NCOA1: variants seen among roughly 807,000 people sequenced by gnomAD.
The protein encoded by NCOA1 is Hin-2 protein.
In NCOA1, 35 loss-of-function variants were observed where a neutral mutation model predicts 150.9. The observed-to-expected ratio is 0.23, with a 90% CI of 0.18 to 0.31. NCOA1 has a LOEUF of 0.31. NCOA1 is among the 10% of genes least tolerant of loss of function. The pLI is 1.00. For missense variants in NCOA1, 1,491 were observed against 1,749.3 expected, an observed-to-expected ratio of 0.85 and a Z score of 2.63; for synonymous variants, 590 against 630.0, an observed-to-expected ratio of 0.94 and a Z score of 0.95.
intron 3 of NCOA1, among the ~76,000 whole-genome samples, chr2:24,614,231 T>TTTTTTTTTTTTTTTTG (rs1668771754): frequency 8.1e-6 from 1 of 122,786 alleles, no homozygotes. Context: ...TTTTTTTTTT[T>TTTTTTTTTTTTTTTTG]GCTATGGGGT....
intron 15 of NCOA1, 38 bp downstream of exon 15, chr2:24,726,744 A>G (rs775096254): frequency 8.3e-5 from 109 of 1,311,074 alleles, no homozygotes; most frequent in Non-Finnish European, 6.4e-6. Context: ...GGTATCAGAT[A>G]CCAACTTCTA....
intron 1 of NCOA1, among the ~76,000 whole-genome samples, chr2:24,539,637 A>G (rs1390900185): frequency 1.3e-5 from 2 of 152,218 alleles, no homozygotes; most frequent in African/African-American, 4.8e-5. Flanking sequence ...GGCAGACTGA[A>G]CCTTCACTAC....
intron 1 of NCOA1, among the ~76,000 whole-genome samples, chr2:24,562,407 A>C (rs1458890020): frequency 3.3e-5 from 5 of 152,234 alleles, no homozygotes; most frequent in African/African-American, 1.2e-4. Context: ...TGCAGTCTGA[A>C]ACACTTCTGG....
At chr2:24,716,027 C>G (rs964368513) in intron 14 of NCOA1, among the ~76,000 whole-genome samples, 1 of 151,700 alleles carries the variant, frequency 6.6e-6, no homozygotes, top group Non-Finnish European at 1.5e-5. Context: ...GCCTGTAGTC[C>G]TAGCTACTCG....
chr2:24,702,050 G>A (rs1017722918), intron 11 of NCOA1, among the ~76,000 whole-genome samples: 1 of 152,158 alleles, frequency 6.6e-6, no homozygotes. Context: ...AAGCTGGAAA[G>A]GGTTTATGGT....
At chr2:24,654,498 T>G (rs946953571) in intron 4 of NCOA1, among the ~76,000 whole-genome samples, 2 of 152,200 alleles carry the variant, frequency 1.3e-5, no homozygotes, top group Non-Finnish European at 2.9e-5. Context: ...AACATCCAGT[T>G]AACAAGTGGA....
chr2:24,714,440 A>G (rs2148611161), intron 14 of NCOA1, among the ~76,000 whole-genome samples: 1 of 152,302 alleles, frequency 6.6e-6, no homozygotes, highest in Admixed American at 6.5e-5. Context: ...TAGCTATTCT[A>G]AATATGTTGA....
At chr2:24,697,171 G>T (rs1467678530) in intron 10 of NCOA1, among the ~76,000 whole-genome samples, 6 of 152,090 alleles carry the variant, frequency 3.9e-5, no homozygotes, top group Admixed American at 2.6e-4. Context: ...TTCAGTCTTT[G>T]TTTAGTCTTA....
chr2:24,754,498 T>C (rs1664409463), intron 20 of NCOA1, among the ~76,000 whole-genome samples: 1 of 152,202 alleles, frequency 6.6e-6, no homozygotes, highest in African/African-American at 2.4e-5. Context: ...GCTGGAATGT[T>C]CTTCCCTCAG....
In NCOA1 at chr2:24,683,059, A is replaced by T. The variant is rs370707375; in HGVS notation, c.463A>T (p.Ser155Cys). Residue 155 changes from serine to cysteine, a missense_variant, in exon 8 of 23, where the codon AGC becomes TGC. Around this residue, in one of 8 missense-constraint regions of NCOA1, gnomAD observed 80 missense variants for 163.0 expected, o/e 0.49. Transcript: ENST00000348332. ...GYNQEELMNT[S>C]VYSILHVGDH... ...CAATCAGGAGGAATTAATGAATACG[A>T]GCGTCTACAGCATACTGCACGTGGG... is the stretch of plus-strand genomic sequence containing the variant. 3 of 1,610,186 alleles carry T rather than the reference A, an allele frequency of 1.9e-6. No individual in the cohort carries two copies. Among genetic ancestry groups the T allele is most frequent in the Non-Finnish European group, 2.5e-6 (3 of 1,178,804 alleles).
Position 24,707,405 on chromosome 2 carries a change from A to G in NCOA1, c.1935A>G (p.Leu645=), listed in dbSNP as rs751116303. The change falls in exon 13 of 23, where the codon TTA becomes TTG. Residue 645 remains leucine, a synonymous_variant. Coordinates refer to ENST00000348332, the MANE Select transcript of NCOA1 (RefSeq NM_003743.5). ...TGACAACAACTGCCGAACAGCAGTT[A>G]CGGCATGCTGATATAGACACAAGCT... ...QLLTTTAEQQ[L]RHADIDTSCK... 3 of 1,614,128 alleles carry G rather than the reference A, an allele frequency of 1.9e-6. No individual in the cohort carries two copies. Among genetic ancestry groups the G allele is most frequent in the Non-Finnish European group, 1.7e-6 (2 of 1,180,056 alleles).
At position 24,697,802 on chromosome 2, in the gene NCOA1, A is replaced by T. The variant is rs746535918; in HGVS notation, c.949+4A>T. 6.2e-7 allele frequency: 1 copy of T among 1,612,096 alleles called. No homozygotes were observed. Among genetic ancestry groups the T allele is most frequent in the Admixed American group, 1.7e-5 (1 of 59,834 alleles). ...GCCAGACAGCTGTTCCAAGAAGGTA[A>T]AATTTTCTCTCTCAATTATTTTCAT... On this transcript the variant is annotated splice_donor_region_variant and intron_variant, in intron 11 of 22. Coordinates refer to ENST00000348332, the MANE Select transcript of NCOA1 (RefSeq NM_003743.5).
intron 1 of NCOA1, among the ~76,000 whole-genome samples, chr2:24,545,995 G>C (rs1377579404): frequency 6.6e-6 from 1 of 152,040 alleles, no homozygotes; most frequent in Admixed American, 6.6e-5. Flanking sequence ...CACCATGTTG[G>C]CCAGGCTGGT....
At chr2:24,668,046 C>T (rs1293477140) in intron 6 of NCOA1, among the ~76,000 whole-genome samples, 2 of 152,110 alleles carry the variant, frequency 1.3e-5, no homozygotes, top group African/African-American at 4.8e-5. Flanking sequence ...ATCCTCAGTA[C>T]CTAAAACAGC....
At position 24,741,799 on chromosome 2, in the gene NCOA1, C is replaced by A; in HGVS notation, c.3319C>A (p.Gln1107Lys). Residue 1107 changes from glutamine (Q) to lysine (K), a missense_variant, in exon 19 of 23, where the codon CAA (glutamine) becomes AAA (lysine). Gln to Lys is a moderately conservative substitution (Grantham distance 53, BLOSUM62 1). This residue lies in a region of NCOA1 where 485 missense variants were observed against 522.8 expected (regional missense o/e 0.93). Coordinates refer to ENST00000348332, the MANE Select transcript of NCOA1 (RefSeq NM_003743.5). The part of the protein sequence containing the change: ...QITPQPPLNA[Q>K]MLAQRQRELY... Reference sequence around the variant, plus strand: ...TGCTTTTCAGCCACCCCTGAATGCTCAAATGTTGGCACAACGTCAGCGGGA... The same window carrying A: ...TGCTTTTCAGCCACCCCTGAATGCTAAAATGTTGGCACAACGTCAGCGGGA... 1 of 1,612,904 alleles carries A rather than the reference C, an allele frequency of 6.2e-7. No homozygotes were observed. The highest frequency in any genetic ancestry group is 1.1e-5 in the South Asian group (1 of 90,882).
chr2:24,558,137 C>T (rs1666147685), intron 1 of NCOA1, among the ~76,000 whole-genome samples: 1 of 151,792 alleles, frequency 6.6e-6, no homozygotes, highest in African/African-American at 2.4e-5. Context: ...ATACTCCAAA[C>T]TGTATTTTTC....
At chr2:24,587,094 C>T (rs932124731) in intron 3 of NCOA1, among the ~76,000 whole-genome samples, 1 of 147,762 alleles carries the variant, frequency 6.8e-6, no homozygotes, top group Non-Finnish European at 1.5e-5. Context: ...GCAGAGTCAG[C>T]AGAGAAGAAA....
At chr2:24,600,786 TCTTA>T (rs1668077176) in intron 3 of NCOA1, among the ~76,000 whole-genome samples, 1 of 152,244 alleles carries the variant, frequency 6.6e-6, no homozygotes, top group South Asian at 2.1e-4. Flanking sequence ...CCTTATTGCC[TCTTA>T]CTATTATTAC....
At chr2:24,507,435 GTTTTT>G (rs10651704) in intron 1 of NCOA1, among the ~76,000 whole-genome samples, 3 of 126,524 alleles carry the variant, frequency 2.4e-5, no homozygotes, top group Admixed American at 8.5e-5. Flanking sequence ...GAGCTGCTGG[GTTTTT>G]TTTTTTTTTT....
Sources: gnomAD v4.1 joint callset for allele counts (sites outside exome capture counted in the v4.1 genomes callset) on GRCh38, gnomAD v4.1.1 for gene constraint, gnomAD v4.1.1 regional missense constraint, MANE v1.5 for transcripts, NCBI Gene and HGNC (gene_info 2026-07-23, HGNC 2026-07-21) for gene names.